Variants in ANKFN1 observed in about 807,000 individuals in gnomAD.
ANKFN1 encodes the protein ankyrin repeat and fibronectin type-III domain-containing protein 1.
A neutral mutation model predicts 108.7 loss-of-function variants in ANKFN1; 74 were observed. The ratio of observed to expected loss-of-function variants is 0.68; its 90% CI spans 0.56 to 0.83. The LOEUF is 0.83. ANKFN1 is among the 40% of genes least tolerant of loss of function. ANKFN1 has a pLI of 0.00. For synonymous variants in ANKFN1, 547 were observed against 516.2 expected, an observed-to-expected ratio of 1.06 and a Z score of -0.81; for missense variants, 1,505 against 1,382.3, an observed-to-expected ratio of 1.09 and a Z score of -1.41.
At chr17:56,233,852 A>G (rs956466324) in intron 3 of ANKFN1, among the ~76,000 whole-genome samples, 2 of 152,132 alleles carry the variant, frequency 1.3e-5, no homozygotes, top group Admixed American at 6.6e-5. Flanking sequence ...TGATATTTAT[A>G]TATATGTTAA....
intron 3 of ANKFN1, among the ~76,000 whole-genome samples, chr17:56,309,351 T>G (rs1312357292): frequency 6.6e-6 from 1 of 152,204 alleles, no homozygotes; most frequent in Non-Finnish European, 1.5e-5. Flanking sequence ...TTATTTATTA[T>G]AGTCCCTTAT....
rs1036835624 is a variant in ANKFN1 at position 56,093,687 on chromosome 17, G to A, written c.288+47362G>A. Among the ~76,000 whole-genome samples the A allele has an allele frequency of 5.3e-5, 8 of 151,514 alleles. No homozygotes were observed. In the East Asian group the frequency reaches 1.5e-3, roughly 29 times the overall value. The stretch of plus-strand genomic sequence containing the variant: ...CCCAAGTTTGCTTTCGCAAGTAAAT[G>A]TCAAGCCCCAAGGTGAAGTTCCGTA... On this transcript the variant is annotated intron_variant, in intron 4 of 12. Coordinates refer to the ANKFN1 transcript ENST00000635860.
At chr17:56,152,589 C>T (rs369569448), upstream of ANKFN1, among the ~76,000 whole-genome samples, 3 of 152,064 alleles carry the variant, frequency 2.0e-5, no homozygotes, top group Non-Finnish European at 4.4e-5. Context: ...TCTGCTGAGC[C>T]TCAACTGCTT....
intron 1 of ANKFN1, among the ~76,000 whole-genome samples, chr17:56,194,414 G>A (rs1184115667): frequency 6.6e-6 from 1 of 152,066 alleles, no homozygotes; most frequent in African/African-American, 2.4e-5. Context: ...AGGCAATGGG[G>A]TATTATTTAA....
chr17:56,150,084 T>A (rs920946706), upstream of ANKFN1, among the ~76,000 whole-genome samples: 2 of 152,182 alleles, frequency 1.3e-5, no homozygotes, highest in African/African-American at 4.8e-5. Flanking sequence ...CTACGTAAGT[T>A]TTTTGGCCTG....
At chr17:56,113,979 A>G (rs1468986955) in intron 4 of ANKFN1, among the ~76,000 whole-genome samples, 1 of 152,178 alleles carries the variant, frequency 6.6e-6, no homozygotes, top group Non-Finnish European at 1.5e-5. Context: ...AGGATCTTAG[A>G]GGCCATGGAA....
chr17:56,120,534 C>G (rs935704317), intron 4 of ANKFN1, among the ~76,000 whole-genome samples: 3 of 152,176 alleles, frequency 2.0e-5, no homozygotes, highest in African/African-American at 7.2e-5. Flanking sequence ...GAAGCCAACT[C>G]TTATGACTCT....
chr17:56,378,286 A>C lies in ANKFN1; in HGVS notation c.910+3572A>C, dbSNP rs191098918. 3.2e-3 allele frequency among the ~76,000 whole-genome samples: 492 copies of C among 152,306 alleles called. 2 individuals are homozygous for C. Among genetic ancestry groups the C allele is most frequent in the South Asian group, 8.1e-3 (39 of 4,816 alleles). On this transcript the variant is annotated intron_variant, in intron 8 of 20. Coordinates refer to ENST00000682825, the MANE Select transcript of ANKFN1 (RefSeq NM_001370326.1). ...AAGAAGGAGAGTCTACCATTGGGAC[A>C]TTAAAACCCTCAGGGTCGATCATTT...
intron 4 of ANKFN1, among the ~76,000 whole-genome samples, chr17:56,333,727 G>A (rs908253504): frequency 1.8e-4 from 28 of 152,016 alleles, no homozygotes; most frequent in African/African-American, 5.3e-4. Context: ...GTTGTATGTC[G>A]AATTGGTATC....
At chr17:56,292,628 C>A (rs932480130) in intron 3 of ANKFN1, among the ~76,000 whole-genome samples, 1 of 152,144 alleles carries the variant, frequency 6.6e-6, no homozygotes, top group Non-Finnish European at 1.5e-5. Context: ...TCTCTGTTAG[C>A]ATCTGTAACC....
intron 4 of ANKFN1, among the ~76,000 whole-genome samples, chr17:56,063,992 G>A (rs936296578): frequency 3.3e-5 from 5 of 152,052 alleles, no homozygotes; most frequent in Non-Finnish European, 4.4e-5. Context: ...CAATGGCCAG[G>A]TCCCTCTTCT....
chr17:56,405,775 A>G (rs2047902452), intron 8 of ANKFN1, among the ~76,000 whole-genome samples: 1 of 152,192 alleles, frequency 6.6e-6, no homozygotes, highest in Non-Finnish European at 1.5e-5. Flanking sequence ...TATTGTTAAA[A>G]AATTGAAAGA....
At position 56,084,204 on chromosome 17, in the gene ANKFN1, A is replaced by G. The variant is rs373671424; in HGVS notation, c.288+37879A>G. ...GACATATTTTGGTTAGGTTTAACCA[A>G]TGGGAGGCACCAGAAGGCAAATGGC... On this transcript the variant is annotated intron_variant, in intron 4 of 12. Transcript: ENST00000635860. Among the ~76,000 whole-genome samples the G allele has an allele frequency of 2.0e-5, 3 of 151,286 alleles. No individual in the cohort carries two copies. In the East Asian group the frequency reaches 5.8e-4, roughly 29 times the overall value.
At chr17:56,274,777 C>T (rs1234951923) in intron 3 of ANKFN1, among the ~76,000 whole-genome samples, 1 of 152,194 alleles carries the variant, frequency 6.6e-6, no homozygotes, top group Non-Finnish European at 1.5e-5. Flanking sequence ...ATTGTTCAAG[C>T]TGAATGTATT....
chr17:56,133,764 A>G (rs1907427423), intron 4 of ANKFN1, among the ~76,000 whole-genome samples: 1 of 151,090 alleles, frequency 6.6e-6, no homozygotes, highest in South Asian at 2.1e-4. Flanking sequence ...ACTATTAGAG[A>G]TAAGAAAAAT....
intron 2 of ANKFN1, among the ~76,000 whole-genome samples, chr17:56,218,471 T>A (rs1343150946): frequency 6.6e-6 from 1 of 152,104 alleles, no homozygotes; most frequent in Non-Finnish European, 1.5e-5. Flanking sequence ...TCCCATCTCT[T>A]TTCACTCTTC....
chr17:56,344,202 A>T (rs534739835), intron 4 of ANKFN1, among the ~76,000 whole-genome samples: 2 of 152,184 alleles, frequency 1.3e-5, no homozygotes, highest in South Asian at 4.1e-4. Flanking sequence ...TGGAAACTAT[A>T]TTACCCCTTC....
At chr17:56,389,640 T>A (rs1244944252) in intron 8 of ANKFN1, among the ~76,000 whole-genome samples, 1 of 152,218 alleles carries the variant, frequency 6.6e-6, no homozygotes, top group African/African-American at 2.4e-5. Flanking sequence ...CAAAAAATTG[T>A]GTAAGTTAGC....
intron 3 of ANKFN1, among the ~76,000 whole-genome samples, chr17:56,310,945 G>A (rs11867746): frequency 0.11 from 15,969 of 151,984 alleles, 882 homozygotes; most frequent in East Asian, 0.15. Flanking sequence ...CCCAGATCCT[G>A]GCAACCACCA....
Sources: allele counts gnomAD v4.1 joint callset (sites outside exome capture counted in the v4.1 genomes callset), GRCh38; gene constraint gnomAD v4.1.1; transcripts MANE v1.5; gene names NCBI Gene and HGNC (gene_info 2026-07-23, HGNC 2026-07-21).